TBXAS1: variants seen among roughly 807,000 people sequenced by gnomAD.
TBXAS1 encodes the protein thromboxane A synthase 1, also known as thromboxane-A synthase.
TBXAS1 carries 48 observed loss-of-function variants against 60.7 expected under a neutral mutation model. The ratio of observed to expected loss-of-function variants is 0.79; its 90% CI spans 0.63 to 1.01. The LOEUF (loss-of-function observed/expected upper bound fraction) is 1.01, where lower values mean the gene tolerates loss of function less well. Among genes scored for constraint, TBXAS1 ranks in the 50% least tolerant of loss-of-function variants. TBXAS1 has a pLI of 0.00. For synonymous variants in TBXAS1, 287 were observed against 269.7 expected (o/e 1.06, Z -0.63); for missense variants, 685 against 686.3 (o/e 1.00, Z 0.02).
At chr7:139,819,598 G>GT in intron 4 of TBXAS1, among the ~76,000 whole-genome samples, 1 of 152,132 alleles carries the variant, frequency 6.6e-6, no homozygotes, top group Non-Finnish European at 1.5e-5. Flanking sequence ...CGCCTCCCAG[G>GT]TTCAAGCGAT....
intron 4 of TBXAS1, among the ~76,000 whole-genome samples, chr7:139,928,046 T>C (rs1363053787): frequency 5.9e-5 from 9 of 152,198 alleles, no homozygotes; most frequent in Non-Finnish European, 1.2e-4. Flanking sequence ...AGAAGTGTAA[T>C]AGTGGACATA....
chr7:139,947,132 C>G (rs1313451285), intron 5 of TBXAS1, among the ~76,000 whole-genome samples: 2 of 151,906 alleles, frequency 1.3e-5, no homozygotes, highest in Non-Finnish European at 2.9e-5. Flanking sequence ...ATTTCACAGA[C>G]ACAGTTGGTA....
intron 5 of TBXAS1, among the ~76,000 whole-genome samples, chr7:139,951,473 G>A (rs1012739039): frequency 1.3e-5 from 2 of 151,398 alleles, no homozygotes. Flanking sequence ...AAAGGATGGG[G>A]GCAGCCAGGC....
chr7:139,873,856 G>C (rs1260569104), intron 2 of TBXAS1, among the ~76,000 whole-genome samples: 18 of 152,048 alleles, frequency 1.2e-4, no homozygotes, highest in African/African-American at 4.3e-4. Flanking sequence ...CACCCTGCAT[G>C]GGAAGAACCA....
intron 1 of TBXAS1, among the ~76,000 whole-genome samples, chr7:139,854,486 T>A (rs949482647): frequency 6.6e-6 from 1 of 152,172 alleles, no homozygotes; most frequent in African/African-American, 2.4e-5. Context: ...AAGCTTCTTC[T>A]GGCATTGGTG....
At chr7:139,951,949 GAAA>G (rs199596199) in intron 5 of TBXAS1, among the ~76,000 whole-genome samples, 21 of 44,452 alleles carry the variant, frequency 4.7e-4, no homozygotes, top group East Asian at 4.1e-3. Flanking sequence ...AGGAAAGAAA[GAAA>G]AGAAAGAAAG....
At chr7:139,823,309 G>C (rs1026763182) in intron 4 of TBXAS1, among the ~76,000 whole-genome samples, 1 of 151,880 alleles carries the variant, frequency 6.6e-6, no homozygotes, top group Non-Finnish European at 1.5e-5. Context: ...GAGATGTGGG[G>C]CTTATACACT....
chr7:139,900,548 C>A (rs1804485588), intron 3 of TBXAS1, among the ~76,000 whole-genome samples: 1 of 152,212 alleles, frequency 6.6e-6, no homozygotes, highest in Non-Finnish European at 1.5e-5. Flanking sequence ...AAAGGGGCAC[C>A]ATACTAGTTA....
chr7:139,996,421 C>T (rs1011720884), intron 9 of TBXAS1, among the ~76,000 whole-genome samples: 2 of 152,124 alleles, frequency 1.3e-5, no homozygotes, highest in Non-Finnish European at 2.9e-5. Flanking sequence ...TTACCCCTAT[C>T]CCAGAGGACT....
At chr7:139,959,832 C>T (rs1260447140) in intron 8 of TBXAS1, among the ~76,000 whole-genome samples, 1 of 152,152 alleles carries the variant, frequency 6.6e-6, no homozygotes, top group Non-Finnish European at 1.5e-5. Context: ...TCTGGGGGTG[C>T]TCTGGGGTCC....
At chr7:139,871,166 A>T (rs1360148351) in intron 1 of TBXAS1, among the ~76,000 whole-genome samples, 1 of 152,088 alleles carries the variant, frequency 6.6e-6, no homozygotes, top group Admixed American at 6.5e-5. Context: ...TATTTTAAGT[A>T]CTCCTTATTG....
In TBXAS1 at chr7:139,957,740, G is replaced by C; in HGVS notation, c.795G>C (p.Leu265Phe). The change falls in exon 8 of 13, where the codon TTG becomes TTC. Residue 265 changes from leucine to phenylalanine, a missense_variant. By Grantham distance (22) the Leu-to-Phe change is conservative. Coordinates refer to ENST00000448866, the MANE Select transcript of TBXAS1 (RefSeq NM_001061.7). ...AACTCATTAGGAATGTGATTGCCTTGCGGGACCAGCAAGCTGCCGAAGAGG... is the reference window on the plus strand; with the variant it reads ...AACTCATTAGGAATGTGATTGCCTTCCGGGACCAGCAAGCTGCCGAAGAGG... ...FNKLIRNVIA[L>F]RDQQAAEERR... 1 of 1,614,074 alleles carries C rather than the reference G, an allele frequency of 6.2e-7. No individual in the cohort carries two copies. The highest frequency in any genetic ancestry group is 8.5e-7 in the Non-Finnish European group (1 of 1,180,028).
intron 3 of TBXAS1, among the ~76,000 whole-genome samples, chr7:139,786,672 G>A (rs1797211898): frequency 6.6e-6 from 1 of 151,996 alleles, no homozygotes; most frequent in Non-Finnish European, 1.5e-5. Flanking sequence ...ATTTTATTTA[G>A]GCAGTACTGT....
Position 139,943,072 on chromosome 7 carries a change from T to C in TBXAS1, c.450+6765T>C, listed in dbSNP as rs1047868950. 3.3e-5 allele frequency among the ~76,000 whole-genome samples: 5 copies of C among 152,348 alleles called. 1 individual carries two copies. The highest frequency in any genetic ancestry group is 3.3e-4 in the Admixed American group (5 of 15,304). ...TGTAAACTCTCCAGATGGTCACATA[T>C]GGGGGCTTCTAAGGCAGAACACGCT... On this transcript the variant is annotated intron_variant, in intron 5 of 12. Coordinates refer to ENST00000448866, the MANE Select transcript of TBXAS1 (RefSeq NM_001061.7).
chr7:139,856,926 G>T (rs1025820514), intron 1 of TBXAS1, among the ~76,000 whole-genome samples: 2 of 152,186 alleles, frequency 1.3e-5, no homozygotes, highest in Admixed American at 1.3e-4. Context: ...ACCAATGGAG[G>T]CTTTGAAAAG....
At chr7:139,965,440 T>C (rs1810709191) in intron 9 of TBXAS1, among the ~76,000 whole-genome samples, 1 of 152,194 alleles carries the variant, frequency 6.6e-6, no homozygotes, top group South Asian at 2.1e-4. Flanking sequence ...CATTTTATTT[T>C]ATTTTATTTT....
At chr7:139,796,900 A>T (rs1411801470) in intron 4 of TBXAS1, among the ~76,000 whole-genome samples, 2 of 152,224 alleles carry the variant, frequency 1.3e-5, no homozygotes, top group African/African-American at 2.4e-5. Flanking sequence ...AATACAATGC[A>T]TGTATTTTAA....
At chr7:139,953,294 C>A in intron 5 of TBXAS1, 74 bp from the exon 6 acceptor site, 1 of 1,230,132 alleles carries the variant, frequency 8.1e-7, no homozygotes, top group Non-Finnish European at 1.2e-6. Flanking sequence ...CTACATATAA[C>A]CTCTTCATCT....
intron 5 of TBXAS1, among the ~76,000 whole-genome samples, chr7:139,947,307 C>T (rs1435012703): frequency 6.6e-6 from 1 of 152,176 alleles, no homozygotes; most frequent in Non-Finnish European, 1.5e-5. Context: ...AGCTAACTAA[C>T]ACAGGAACAG....
Sources: gnomAD v4.1 joint callset for allele counts (sites outside exome capture counted in the v4.1 genomes callset) on GRCh38, gnomAD v4.1.1 for gene constraint, MANE v1.5 for transcripts, NCBI Gene and HGNC (gene_info 2026-07-23, HGNC 2026-07-21) for gene names.